The following DPP9 variants were observed in gnomAD, a reference collection of about 807,000 sequenced individuals.
DPP9 encodes the protein dipeptidyl peptidase 9, also known as dipeptidyl peptidase IV-related protein-2.
DPP9 carries 50 observed loss-of-function variants against 110.7 expected under a neutral mutation model. That is an observed-to-expected ratio of 0.45 (90% CI 0.36 to 0.57). The LOEUF (loss-of-function observed/expected upper bound fraction) is 0.57, where lower values mean the gene tolerates loss of function less well. DPP9 is among the 20% of genes least tolerant of loss of function. The probability of loss-of-function intolerance (pLI) is 0.00; values close to 1 mark genes in which losing one functional copy is unlikely to be tolerated. For missense variants in DPP9, 1,022 were observed against 1,217.9 expected, an observed-to-expected ratio of 0.84 and a Z score of 2.39; for synonymous variants, 561 against 514.4, an observed-to-expected ratio of 1.09 and a Z score of -1.23.
chr19:4,696,641 C>T (rs962722931), intron 11 of DPP9, among the ~76,000 whole-genome samples: 3 of 151,958 alleles, frequency 2.0e-5, no homozygotes, highest in Admixed American at 6.6e-5. Context: ...TGCCTGTACT[C>T]GGGAGGCTGA....
intron 13 of DPP9, among the ~76,000 whole-genome samples, chr19:4,692,190 G>C (rs1366449718): frequency 3.3e-5 from 5 of 152,016 alleles, no homozygotes; most frequent in African/African-American, 1.2e-4. Flanking sequence ...TGTTTTTTTG[G>C]GGGGTAGGAG....
chr19:4,713,434 C>T (rs2092926572), intron 4 of DPP9, among the ~76,000 whole-genome samples: 1 of 152,242 alleles, frequency 6.6e-6, no homozygotes, highest in Non-Finnish European at 1.5e-5. Context: ...CAGAGGAGCC[C>T]AGTCCCGTGA....
At chr19:4,702,469 C>A in intron 8 of DPP9, 134 bp downstream of exon 8, 1 of 739,312 alleles carries the variant, frequency 1.4e-6, no homozygotes, top group Non-Finnish European at 2.3e-6. Flanking sequence ...CGTTAAGGAA[C>A]TCTCTAGGTG....
rs1399883967 is a variant in DPP9, at chr19:4,687,814, T to C, written c.1885+943A>G. ...CCACTGTTCAAAAGGTTTTTTTTTTTTGAGACGGAGTCTCGCTCTGTCGCC... is the reference window on the plus strand; with the variant it reads ...CCACTGTTCAAAAGGTTTTTTTTTTCTGAGACGGAGTCTCGCTCTGTCGCC... On this transcript the variant is annotated intron_variant, in intron 16 of 21. Coordinates refer to ENST00000262960, the MANE Select transcript of DPP9 (RefSeq NM_139159.5). The surrounding 1 kb of genome is among the most constrained non-coding windows in gnomAD (Gnocchi z 4.7). Among the ~76,000 whole-genome samples the C allele has an allele frequency of 6.6e-6, 1 of 152,164 alleles. No individual in the cohort carries two copies. Among genetic ancestry groups the C allele is most frequent in the East Asian group, 1.9e-4 (1 of 5,198 alleles).
At chr19:4,677,013 T>G (rs1462049772) in intron 21 of DPP9, among the ~76,000 whole-genome samples, 1 of 152,190 alleles carries the variant, frequency 6.6e-6, no homozygotes, top group Non-Finnish European at 1.5e-5. Context: ...TGGCTGAGGC[T>G]TCAAGCCTCA....
intron 3 of DPP9, among the ~76,000 whole-genome samples, chr19:4,717,131 A>G (rs1476848869): frequency 6.6e-6 from 1 of 152,152 alleles, no homozygotes; most frequent in Admixed American, 6.5e-5. Context: ...ATCCTACTCC[A>G]TCCAGGCAGG....
At chr19:4,711,845 A>AGGAAGCT (rs1029323637) in intron 4 of DPP9, among the ~76,000 whole-genome samples, 1 of 147,626 alleles carries the variant, frequency 6.8e-6, no homozygotes, top group African/African-American at 2.5e-5. Context: ...GAGGAGGAGG[A>AGGAAGCT]GGAAGCTGTG....
At chr19:4,714,486 C>G (rs867962870) in intron 3 of DPP9, 149 bp from the exon 4 acceptor site, 1 of 980,336 alleles carries the variant, frequency 1.0e-6, no homozygotes, top group Non-Finnish European at 1.4e-6. Flanking sequence ...TTGGGTTGGT[C>G]TACCTCTCTC....
intron 1 of DPP9, 49 bp downstream of exon 1, chr19:4,723,625 G>C (rs1402727330): frequency 1.9e-5 from 3 of 156,594 alleles, no homozygotes; most frequent in Non-Finnish European, 4.2e-5. Flanking sequence ...GTCAATGGCG[G>C]GTTCAGGGTC....
chr19:4,698,883 GTGTGGTGGCTCACACCTGTAAT>G lies in DPP9; in HGVS notation c.1075-1254_1075-1233del, dbSNP rs1294107110. ...TGTCAAGAATGCAAAAGAAGGCCGG[GTGTGGTGGCTCACACCTGTAAT>G]CCCAACACTTTGGGAGGCCGAGGCG... is the stretch of plus-strand genomic sequence containing the variant. On this transcript the variant is annotated intron_variant, in intron 10 of 21. Coordinates refer to ENST00000262960, the MANE Select transcript of DPP9 (RefSeq NM_139159.5). The surrounding 1 kb of genome is among the most constrained non-coding windows in gnomAD (Gnocchi z 4.2). Among the ~76,000 whole-genome samples the G allele has an allele frequency of 6.6e-6, 1 of 152,154 alleles. No homozygotes were observed. Among genetic ancestry groups the G allele is most frequent in the African/African-American group, 2.4e-5 (1 of 41,442 alleles).
At chr19:4,711,269 G>A (rs1452612384) in intron 4 of DPP9, among the ~76,000 whole-genome samples, 1 of 152,128 alleles carries the variant, frequency 6.6e-6, no homozygotes, top group Non-Finnish European at 1.5e-5. Context: ...TGGCTCAGAC[G>A]AGCTTGGAGG....
In DPP9 at chr19:4,695,901, A is replaced by C. The variant is rs994129331; in HGVS notation, c.1176-346T>G. 3.3e-5 allele frequency among the ~76,000 whole-genome samples: 5 copies of C among 151,866 alleles called. No homozygotes were observed. Among genetic ancestry groups the C allele is most frequent in the African/African-American group, 9.7e-5 (4 of 41,338 alleles). Reference sequence around the variant, plus strand: ...GTAGTTTGCTTTATTTTATTTATTTATTTCTTTATTTAATTTTTTGAGACA... The same window carrying C: ...GTAGTTTGCTTTATTTTATTTATTTCTTTCTTTATTTAATTTTTTGAGACA... On this transcript the variant is annotated intron_variant, in intron 11 of 21. Coordinates refer to ENST00000262960, the MANE Select transcript of DPP9 (RefSeq NM_139159.5). The surrounding 1 kb of genome is among the most constrained non-coding windows in gnomAD (Gnocchi z 4.7).
At position 4,718,203 on chromosome 19, in the gene DPP9, C is replaced by A. The variant is rs2093164065; in HGVS notation, c.56+1648G>T. ...GCAAATAGCTGGGATGAGAGGGGTG[C>A]AAGCCACCGTGCCCAGCTCCAAAGC... On this transcript the variant is annotated intron_variant, in intron 3 of 21. Coordinates refer to ENST00000262960, the MANE Select transcript of DPP9 (RefSeq NM_139159.5). This position sits in a 1 kb window ranked among gnomAD's most constrained non-coding sequence, Gnocchi z 4.3. 6.6e-6 allele frequency among the ~76,000 whole-genome samples: 1 copy of A among 152,256 alleles called. No individual in the cohort carries two copies. The highest frequency in any genetic ancestry group is 2.1e-4 in the South Asian group (1 of 4,824).
chr19:4,722,555 T>C lies in DPP9; in HGVS notation c.-88-4A>G. The C allele has an allele frequency of 1.4e-6, 1 of 702,952 alleles. No homozygotes were observed. The highest frequency in any genetic ancestry group is 2.7e-5 in the East Asian group (1 of 37,290). 43.5% of individuals were successfully genotyped at this position (702,952 alleles called of 1,614,324 possible). A position where few individuals can be genotyped will look rare whatever the true frequency, so the allele number is the denominator to read the frequency against. ...GCTGCAGGCGTGGGACACAGACCTTTATAGGATAAACATGTCATGAATGTG... is the reference window on the plus strand; with the variant it reads ...GCTGCAGGCGTGGGACACAGACCTTCATAGGATAAACATGTCATGAATGTG... On this transcript the variant is annotated splice_polypyrimidine_tract_variant and splice_region_variant and intron_variant, in intron 1 of 21. Coordinates refer to ENST00000262960, the MANE Select transcript of DPP9 (RefSeq NM_139159.5).
intron 10 of DPP9, 40 bp from the exon 11 acceptor site, chr19:4,697,691 G>T: frequency 1.3e-6 from 2 of 1,562,856 alleles, no homozygotes; most frequent in Non-Finnish European, 1.8e-6. Context: ...GCCCTGGCCT[G>T]CCCGGCGCTG....
intron 21 of DPP9, among the ~76,000 whole-genome samples, chr19:4,679,085 A>G (rs1186825078): frequency 4.6e-5 from 5 of 108,062 alleles, no homozygotes; most frequent in South Asian, 5.7e-4. Context: ...CCTCCTCTAC[A>G]GCAGAAGCCC....
intron 20 of DPP9, among the ~76,000 whole-genome samples, chr19:4,680,250 A>AG (rs1207749855): frequency 6.6e-6 from 1 of 151,446 alleles, no homozygotes; most frequent in East Asian, 1.9e-4. Flanking sequence ...AAAAAAAAAA[A>AG]AAAAAGATCA....
At chr19:4,701,070 T>C (rs577312133) in intron 9 of DPP9, among the ~76,000 whole-genome samples, 1 of 152,356 alleles carries the variant, frequency 6.6e-6, no homozygotes, top group East Asian at 1.9e-4. Context: ...TGCTCTTATA[T>C]GGTCCCATGG....
chr19:4,681,092 G>A (rs1045953686), intron 20 of DPP9, among the ~76,000 whole-genome samples: 1 of 152,180 alleles, frequency 6.6e-6, no homozygotes, highest in Admixed American at 6.6e-5. Flanking sequence ...GGGAGCCAGT[G>A]GCCACACGTC....
Sources: allele counts gnomAD v4.1 joint callset (sites outside exome capture counted in the v4.1 genomes callset), GRCh38; gene constraint gnomAD v4.1.1; non-coding constraint Gnocchi (gnomAD v3.1); transcripts MANE v1.5; gene names NCBI Gene and HGNC (gene_info 2026-07-23, HGNC 2026-07-21).